The following ATP8A2 variants were observed in gnomAD, a reference collection of about 807,000 sequenced individuals.
ATP8A2 encodes ATPase phospholipid transporting 8A2, also known as phospholipid-transporting ATPase IB.
ATP8A2 carries 100 observed loss-of-function variants against 165.6 expected under a neutral mutation model. That is an observed-to-expected ratio of 0.60 (90% CI 0.51 to 0.71). The LOEUF is 0.71. ATP8A2 is among the 30% of genes least tolerant of loss of function. The pLI, the probability that ATP8A2 is intolerant of heterozygous loss-of-function variation, is 0.00. For missense variants in ATP8A2, 1,227 were observed against 1,479.5 expected (o/e 0.83, Z 2.80); for synonymous variants, 543 against 548.8 (o/e 0.99, Z 0.15).
chr13:25,642,567 GGT>G (rs1362200760), intron 24 of ATP8A2, among the ~76,000 whole-genome samples: 1 of 152,172 alleles, frequency 6.6e-6, no homozygotes, highest in African/African-American at 2.4e-5. Flanking sequence ...CAGTTAGAAT[GGT>G]GATCGTTAAA....
chr13:25,555,097 T>A (rs1158661074), intron 13 of ATP8A2, 29 bp downstream of exon 13: 1 of 1,522,622 alleles, frequency 6.6e-7, no homozygotes, highest in African/African-American at 1.4e-5. Flanking sequence ...ACTTTGGGAA[T>A]GGTGACACGA....
At chr13:25,821,195 G>A (rs1951172051) in intron 27 of ATP8A2, among the ~76,000 whole-genome samples, 1 of 152,208 alleles carries the variant, frequency 6.6e-6, no homozygotes, top group African/African-American at 2.4e-5. Context: ...TGGCTGCTTA[G>A]AGGAAATATC....
At chr13:25,788,309 A>G (rs2045082247) in intron 27 of ATP8A2, among the ~76,000 whole-genome samples, 2 of 152,238 alleles carry the variant, frequency 1.3e-5, no homozygotes, top group South Asian at 2.1e-4. Context: ...GGTATTTAAC[A>G]TCGATAGACC....
chr13:25,373,869 A>G (rs2032518283), intron 1 of ATP8A2, among the ~76,000 whole-genome samples: 1 of 152,184 alleles, frequency 6.6e-6, no homozygotes, highest in East Asian at 1.9e-4. Flanking sequence ...CGTCGGCAGG[A>G]CCGGCTCCAA....
chr13:25,924,089 G>C (rs1249530964), intron 33 of ATP8A2, among the ~76,000 whole-genome samples: 1 of 152,224 alleles, frequency 6.6e-6, no homozygotes, highest in Non-Finnish European at 1.5e-5. Context: ...ATGGATGGAT[G>C]ATGTCCTACA....
At chr13:25,884,076 C>T (rs963782427) in intron 33 of ATP8A2, among the ~76,000 whole-genome samples, 6 of 152,160 alleles carry the variant, frequency 3.9e-5, no homozygotes, top group African/African-American at 1.2e-4. Flanking sequence ...ACTTACCTGT[C>T]TAGGCCACCC....
chr13:25,433,607 C>CG (rs2034674009), intron 1 of ATP8A2, among the ~76,000 whole-genome samples: 1 of 152,158 alleles, frequency 6.6e-6, no homozygotes, highest in South Asian at 2.1e-4. Flanking sequence ...TTTGTATACA[C>CG]GGAAGTGAGT....
chr13:25,690,094 T>A (rs983349919), intron 24 of ATP8A2, among the ~76,000 whole-genome samples: 1 of 151,798 alleles, frequency 6.6e-6, no homozygotes, highest in African/African-American at 2.4e-5. Flanking sequence ...CTATTTAATA[T>A]CTTTTGAGAA....
chr13:25,372,224 C>T lies in ATP8A2; in HGVS notation c.12C>T (p.Gly4=), dbSNP rs374871002. The change falls in exon 1 of 37, where the codon GGC becomes GGT. Residue 4 remains glycine (G), a synonymous_variant. Coordinates refer to ENST00000381655, the MANE Select transcript of ATP8A2 (RefSeq NM_016529.6). This position sits in a 1 kb window ranked among gnomAD's most constrained non-coding sequence, Gnocchi z 4.8. ...CCGACACGGGCGAGATGCTGAACGG[C>T]GCAGGCCTGGACAAAGCTCTTAAGA... MLN[G]AGLDKALKMS... is the part of the protein sequence containing the mutation. The T allele has an allele frequency of 9.5e-6, 14 of 1,471,918 alleles. No individual in the cohort carries two copies. The highest frequency in any genetic ancestry group is 1.8e-4 in the Middle Eastern group (1 of 5,502). The allele number at this position is 1,471,918 out of a possible 1,614,324, so 91.2% of individuals were successfully genotyped here.
intron 36 of ATP8A2, among the ~76,000 whole-genome samples, chr13:26,017,161 G>A (rs778436755): frequency 6.6e-5 from 10 of 152,284 alleles, no homozygotes; most frequent in Non-Finnish European, 1.2e-4. Flanking sequence ...CCATTCTTTG[G>A]GGTGACTGTT....
At position 25,676,052 on chromosome 13, in the gene ATP8A2, G is replaced by A. The variant is rs143025751; in HGVS notation, c.2212-23121G>A. 3.3e-5 allele frequency among the ~76,000 whole-genome samples: 5 copies of A among 151,912 alleles called. No individual in the cohort carries two copies. The East Asian group carries it at 9.6e-4, about 29-fold the overall frequency. On this transcript the variant is annotated intron_variant, in intron 24 of 36. Coordinates refer to ENST00000381655, the MANE Select transcript of ATP8A2 (RefSeq NM_016529.6). ...GTAACCCATAAGCGTGTAAAATATTGTATCTTAATAAAAGAAAAAAAAATG... is the reference window on the plus strand; with the variant it reads ...GTAACCCATAAGCGTGTAAAATATTATATCTTAATAAAAGAAAAAAAAATG...
At chr13:25,399,372 A>C (rs1235648390) in intron 1 of ATP8A2, among the ~76,000 whole-genome samples, 7 of 145,424 alleles carry the variant, frequency 4.8e-5, no homozygotes, top group African/African-American at 1.8e-4. Flanking sequence ...GTGTATAGTA[A>C]GATCCTGATT....
In ATP8A2 at chr13:25,533,284, G is replaced by C. The variant is rs779268827; in HGVS notation, c.478G>C (p.Gly160Arg). ...NKKKTIVLRN[G>R]MWHTIMWKEV... is the part of the protein sequence containing the mutation. The stretch of plus-strand genomic sequence containing the variant: ...TTTCTCTTTTTCAGTGTTAAGAAAT[G>C]GTATGTGGCATACCATTATGTGGAA... Residue 160 changes from glycine (G) to arginine (R), a missense_variant, in exon 6 of 37, where the codon GGT (glycine) becomes CGT (arginine). Coordinates refer to ENST00000381655, the MANE Select transcript of ATP8A2 (RefSeq NM_016529.6). 1.7e-5 allele frequency: 26 copies of C among 1,508,322 alleles called. No homozygotes were observed. In the Admixed American group the frequency reaches 4.4e-4, roughly 26 times the overall value. 93.4% of individuals were successfully genotyped at this position (1,508,322 alleles called of 1,614,324 possible).
intron 24 of ATP8A2, among the ~76,000 whole-genome samples, chr13:25,662,634 T>C (rs2042074017): frequency 6.6e-6 from 1 of 152,146 alleles, no homozygotes; most frequent in Admixed American, 6.6e-5. Context: ...CAGGGAAACA[T>C]AAATTCATAA....
intron 33 of ATP8A2, among the ~76,000 whole-genome samples, chr13:25,865,892 G>A (rs1371439968): frequency 1.3e-5 from 2 of 152,150 alleles, no homozygotes; most frequent in African/African-American, 4.8e-5. Flanking sequence ...CCAGTCCTCG[G>A]CTATGGAAAA....
At chr13:25,921,144 A>G (rs1340463487) in intron 33 of ATP8A2, among the ~76,000 whole-genome samples, 1 of 152,176 alleles carries the variant, frequency 6.6e-6, no homozygotes, top group Non-Finnish European at 1.5e-5. Flanking sequence ...CTGAGAAGCC[A>G]TACAGTCCTC....
At chr13:25,619,501 A>G (rs542161043) in intron 24 of ATP8A2, among the ~76,000 whole-genome samples, 20 of 152,316 alleles carry the variant, frequency 1.3e-4, no homozygotes, top group African/African-American at 4.6e-4. Flanking sequence ...GAATAACCAG[A>G]TATAGAATAT....
At chr13:25,647,016 T>C (rs1272698175) in intron 24 of ATP8A2, among the ~76,000 whole-genome samples, 1 of 152,228 alleles carries the variant, frequency 6.6e-6, no homozygotes, top group Non-Finnish European at 1.5e-5. Context: ...TACACTTCTC[T>C]TTCCCCCATT....
At chr13:25,855,586 G>C (rs1952140806) in intron 30 of ATP8A2, among the ~76,000 whole-genome samples, 1 of 152,096 alleles carries the variant, frequency 6.6e-6, no homozygotes, top group African/African-American at 2.4e-5. Context: ...ATTATTTTAA[G>C]CTATTATGAA....
Sources: allele counts gnomAD v4.1 joint callset (sites outside exome capture counted in the v4.1 genomes callset), GRCh38; gene constraint gnomAD v4.1.1; non-coding constraint Gnocchi (gnomAD v3.1); transcripts MANE v1.5; gene names NCBI Gene and HGNC (gene_info 2026-07-23, HGNC 2026-07-21).